AFTPH: variants seen among roughly 807,000 people sequenced by gnomAD.
AFTPH encodes aftiphilin protein.
Under a neutral mutation model 72.5 loss-of-function variants are expected in AFTPH, and 7 were observed. That is an observed-to-expected ratio of 0.10 (90% CI 0.05 to 0.18). The LOEUF (loss-of-function observed/expected upper bound fraction) is 0.18. Ranked by LOEUF, AFTPH falls within the 10% of genes least tolerant of loss-of-function variation. The pLI, the probability that AFTPH is intolerant of heterozygous loss-of-function variation, is 1.00. For missense variants in AFTPH, 979 were observed against 1,060.5 expected, an observed-to-expected ratio of 0.92 and a Z score of 1.07; for synonymous variants, 337 against 370.1, an observed-to-expected ratio of 0.91 and a Z score of 1.03.
chr2:64,552,823 C>T (rs1671133907), exon 2 of AFTPH: 1 of 1,614,176 alleles, frequency 6.2e-7, no homozygotes, highest in Non-Finnish European at 8.5e-7. Context: ...CCTTTTGTTA[C>T]TGGTACTCAA....
At chr2:64,589,099 A>C (rs981474062) in intron 8 of AFTPH, among the ~76,000 whole-genome samples, 3 of 152,230 alleles carry the variant, frequency 2.0e-5, no homozygotes, top group African/African-American at 7.2e-5. Context: ...TTTAGGTATC[A>C]TATCTAAGAA....
chr2:64,547,204 C>T (rs1029825611), intron 1 of AFTPH, among the ~76,000 whole-genome samples: 2 of 152,194 alleles, frequency 1.3e-5, no homozygotes, highest in African/African-American at 4.8e-5. Context: ...CCAAGTGCTG[C>T]GTTTACTTCT....
chr2:64,589,836 T>G (rs1218120015), intron 8 of AFTPH, among the ~76,000 whole-genome samples: 2 of 150,976 alleles, frequency 1.3e-5, no homozygotes, highest in Non-Finnish European at 2.9e-5. Flanking sequence ...AGTTAGGAAA[T>G]CCGGACCAAA....
At chr2:64,536,566 TA>T (rs142981388) in intron 1 of AFTPH, among the ~76,000 whole-genome samples, 1,797 of 107,594 alleles carry the variant, frequency 0.017, 17 homozygotes, top group Non-Finnish European at 0.024. Flanking sequence ...GACTCCATCT[TA>T]AAAAAAAAAA....
At chr2:64,554,787 G>A (rs1481598680) in intron 2 of AFTPH, among the ~76,000 whole-genome samples, 1 of 152,238 alleles carries the variant, frequency 6.6e-6, no homozygotes, top group Non-Finnish European at 1.5e-5. Context: ...AATGAGGACT[G>A]TTGCTTTTGA....
Position 64,549,639 on chromosome 2 carries a change from C to A in AFTPH, c.-32-1804C>A, listed in dbSNP as rs140357233. Among the ~76,000 whole-genome samples, 500 of 152,124 alleles carry A rather than the reference C, an allele frequency of 3.3e-3. 1 individual carries two copies. The highest frequency in any genetic ancestry group is 0.011 in the African/African-American group (475 of 41,490). On this transcript the variant is annotated intron_variant, in intron 1 of 8. Coordinates refer to ENST00000238856, the Ensembl canonical transcript of AFTPH. ...GTAATGTTAAATCTGACCTGTGGAA[C>A]TTTTGACTCCTCAGCACAGAGGAAT...
At chr2:64,551,764 C>T (rs1671061583) in exon 2 of AFTPH, 1 of 1,613,662 alleles carries the variant, frequency 6.2e-7, no homozygotes, top group Non-Finnish European at 8.5e-7. Context: ...GCTGAACTTT[C>T]TGCTCCTGTG....
exon 9 of AFTPH, chr2:64,592,704 G>A (rs1317982993): frequency 6.6e-6 from 1 of 152,584 alleles, no homozygotes; most frequent in Non-Finnish European, 1.5e-5. Context: ...TTCAGAGAAG[G>A]ACCAAATTAT....
At chr2:64,530,270 G>T (rs749922303) in intron 1 of AFTPH, among the ~76,000 whole-genome samples, 1 of 152,138 alleles carries the variant, frequency 6.6e-6, no homozygotes, top group Non-Finnish European at 1.5e-5. Flanking sequence ...ACTTGTTGTA[G>T]TGTTTTGTAG....
chr2:64,533,273 C>T (rs183358919), intron 1 of AFTPH, among the ~76,000 whole-genome samples: 1 of 152,138 alleles, frequency 6.6e-6, no homozygotes, highest in Admixed American at 6.5e-5. Flanking sequence ...GTGGCAGGCA[C>T]CTGTAGTCCC....
At chr2:64,528,877 G>A (rs1056694994) in intron 1 of AFTPH, among the ~76,000 whole-genome samples, 3 of 152,122 alleles carry the variant, frequency 2.0e-5, no homozygotes, top group African/African-American at 7.2e-5. Context: ...TTGAGTAAAG[G>A]TGTAAGATAA....
intron 1 of AFTPH, among the ~76,000 whole-genome samples, chr2:64,546,179 C>T (rs1262413647): frequency 6.8e-6 from 1 of 147,602 alleles, no homozygotes; most frequent in African/African-American, 2.6e-5. Flanking sequence ...AGGCGTGAGC[C>T]ACTGCACCCA....
chr2:64,582,115 A>G (rs1375721612), intron 7 of AFTPH, among the ~76,000 whole-genome samples: 1 of 152,230 alleles, frequency 6.6e-6, no homozygotes, highest in Non-Finnish European at 1.5e-5. Flanking sequence ...AATCATGTCC[A>G]TTGATCACCA....
At chr2:64,545,049 A>T (rs1490869747) in intron 1 of AFTPH, among the ~76,000 whole-genome samples, 1 of 152,182 alleles carries the variant, frequency 6.6e-6, no homozygotes, top group East Asian at 1.9e-4. Context: ...TCTGATTCAG[A>T]TCTTTGTATT....
chr2:64,549,351 C>T (rs983419282), intron 1 of AFTPH, among the ~76,000 whole-genome samples: 1 of 113,878 alleles, frequency 8.8e-6, no homozygotes, highest in Non-Finnish European at 1.7e-5. Flanking sequence ...AACCGAGTCT[C>T]ACTCTGTCAC....
intron 2 of AFTPH, among the ~76,000 whole-genome samples, chr2:64,561,973 A>G (rs979935854): frequency 1.1e-4 from 16 of 152,200 alleles, no homozygotes; most frequent in African/African-American, 3.9e-4. Flanking sequence ...AAATGTGGGG[A>G]AAAACATGAT....
At chr2:64,531,186 T>C (rs924311158) in intron 1 of AFTPH, among the ~76,000 whole-genome samples, 2 of 151,990 alleles carry the variant, frequency 1.3e-5, no homozygotes, top group Non-Finnish European at 2.9e-5. Flanking sequence ...GATTTTACCA[T>C]CATAGAAGAG....
At chr2:64,576,592 C>T (rs554311354) in intron 6 of AFTPH, among the ~76,000 whole-genome samples, 135 of 152,256 alleles carry the variant, frequency 8.9e-4, no homozygotes, top group African/African-American at 2.7e-3. Context: ...TTAGTAAGGT[C>T]AATACTTTAC....
At chr2:64,555,750 TA>T (rs1158475044) in intron 2 of AFTPH, among the ~76,000 whole-genome samples, 3 of 152,144 alleles carry the variant, frequency 2.0e-5, no homozygotes. Flanking sequence ...GTGAAATGGA[TA>T]AACCCTGCTG....
Sources: allele counts gnomAD v4.1 joint callset (sites outside exome capture counted in the v4.1 genomes callset), GRCh38; gene constraint gnomAD v4.1.1; transcripts MANE v1.5; gene names NCBI Gene and HGNC (gene_info 2026-07-23, HGNC 2026-07-21).